Variants in ARRB1 observed in about 807,000 individuals in gnomAD.
The protein encoded by ARRB1 is arrestin beta 1.
Under a neutral mutation model 56.8 loss-of-function variants are expected in ARRB1, and 21 were observed. That is an observed-to-expected ratio of 0.37 (90% confidence interval 0.26 to 0.53). The LOEUF (loss-of-function observed/expected upper bound fraction) is 0.53. Ranked by LOEUF, ARRB1 falls within the 20% of genes least tolerant of loss-of-function variation. The probability of loss-of-function intolerance (pLI) is 0.88; values close to 1 mark genes in which losing one functional copy is unlikely to be tolerated. For missense variants in ARRB1, 424 were observed against 553.7 expected, an observed-to-expected ratio of 0.77 and a Z score of 2.35; for synonymous variants, 210 against 218.6, an observed-to-expected ratio of 0.96 and a Z score of 0.35.
At chr11:75,318,917 G>A (rs1409069515) in intron 1 of ARRB1, among the ~76,000 whole-genome samples, 1 of 152,180 alleles carries the variant, frequency 6.6e-6, no homozygotes, top group Non-Finnish European at 1.5e-5. Context: ...CTAAGAAGGA[G>A]AGGAGCACAT....
At chr11:75,334,057 C>T (rs1947563249) in intron 1 of ARRB1, among the ~76,000 whole-genome samples, 3 of 152,172 alleles carry the variant, frequency 2.0e-5, no homozygotes, top group Admixed American at 2.0e-4. Context: ...CCAGGCCGGG[C>T]GCGGTGGCTC....
intron 13 of ARRB1, among the ~76,000 whole-genome samples, chr11:75,269,384 C>T (rs900304120): frequency 1.3e-5 from 2 of 152,158 alleles, no homozygotes; most frequent in African/African-American, 4.8e-5. Flanking sequence ...TCCTCCCACC[C>T]TCACGCCATC....
At chr11:75,339,846 G>A (rs1259599389) in intron 1 of ARRB1, among the ~76,000 whole-genome samples, 1 of 152,216 alleles carries the variant, frequency 6.6e-6, no homozygotes, top group Non-Finnish European at 1.5e-5. Flanking sequence ...CTCCTCAGGA[G>A]GGCAGCGATG....
In ARRB1 at chr11:75,272,796, T is replaced by C. The variant is rs1565105652; in HGVS notation, c.998+99A>G. On this transcript the variant is annotated intron_variant, in intron 12 of 15. Transcript: ENST00000420843. Reference sequence around the variant, plus strand: ...GTTCCTCCTCCAAGGTGGATGCAGCTAAAAGGGCTGCAAACAGGCAGAATG... The same window carrying C: ...GTTCCTCCTCCAAGGTGGATGCAGCCAAAAGGGCTGCAAACAGGCAGAATG... The C allele has an allele frequency of 3.4e-6, 4 of 1,192,842 alleles. No individual in the cohort carries two copies. In the African/African-American group the frequency reaches 4.5e-5, roughly 13 times the overall value. The allele number at this position is 1,192,842 out of a possible 1,614,324, so 73.9% of individuals were successfully genotyped here. A position where few individuals can be genotyped will look rare whatever the true frequency, so the allele number is the denominator to read the frequency against.
chr11:75,306,046 C>T (rs1287159048), intron 1 of ARRB1, among the ~76,000 whole-genome samples: 1 of 152,174 alleles, frequency 6.6e-6, no homozygotes, highest in Non-Finnish European at 1.5e-5. Flanking sequence ...CCCGACACCA[C>T]ACTGCAAAGG....
In ARRB1 at chr11:75,283,345, C is replaced by T. The variant is rs767213596; in HGVS notation, c.296G>A (p.Arg99Gln). Reference protein sequence around the residue: ...PAPEDKKPLTRLQERLIKKLG... With the variant: ...PAPEDKKPLTQLQERLIKKLG... ...CTTCTTGATGAGGCGTTCCTGCAGC[C>T]GCGTCAGGGGCTTCTTGTCCTCGGG... The change falls in exon 5 of 16, where the codon CGG becomes CAG. Residue 99 changes from arginine to glutamine, a missense_variant. Around this residue, in one of 3 missense-constraint regions of ARRB1, gnomAD observed 301 missense variants for 387.9 expected, o/e 0.78. Transcript: ENST00000420843. 32 of 1,613,888 alleles carry T rather than the reference C, an allele frequency of 2.0e-5. No homozygotes were observed. The highest frequency in any genetic ancestry group is 3.3e-5 in the Admixed American group (2 of 59,988).
chr11:75,270,999 G>A (rs1041492885), intron 13 of ARRB1: 1 of 151,868 alleles, frequency 6.6e-6, no homozygotes, highest in Non-Finnish European at 1.5e-5. Context: ...TTTAGTGGAA[G>A]AATCTGGATC....
chr11:75,280,998 T>A (rs1946320763), intron 7 of ARRB1, 77 bp downstream of exon 7: 1 of 1,483,588 alleles, frequency 6.7e-7, no homozygotes. Context: ...TATTGTTACT[T>A]ATCTCCTCTT....
At chr11:75,295,676 C>T (rs1946724657) in intron 1 of ARRB1, among the ~76,000 whole-genome samples, 1 of 152,206 alleles carries the variant, frequency 6.6e-6, no homozygotes, top group Admixed American at 6.5e-5. Context: ...ATGATGTAGA[C>T]ATCTTTGGGA....
intron 1 of ARRB1, chr11:75,335,159 C>A: frequency 4.0e-6 from 1 of 251,184 alleles, no homozygotes; most frequent in South Asian, 4.4e-5. Flanking sequence ...TCACAAAGGC[C>A]CTGCCTCCAG....
At chr11:75,290,566 C>T (rs1032901063) in intron 1 of ARRB1, among the ~76,000 whole-genome samples, 3 of 151,760 alleles carry the variant, frequency 2.0e-5, no homozygotes, top group South Asian at 4.2e-4. Flanking sequence ...TCTACTTCTT[C>T]TTTTTCCATA....
intron 1 of ARRB1, among the ~76,000 whole-genome samples, chr11:75,327,258 C>T (rs1257662978): frequency 7.1e-6 from 1 of 140,680 alleles, no homozygotes; most frequent in East Asian, 2.2e-4. Flanking sequence ...GCCGAGATGG[C>T]GCCACTGCAC....
chr11:75,308,044 C>T, intron 1 of ARRB1, among the ~76,000 whole-genome samples: 1 of 152,264 alleles, frequency 6.6e-6, no homozygotes. Flanking sequence ...GCATCAGGGA[C>T]AGGGGATAGC....
At position 75,318,568 on chromosome 11, in the gene ARRB1, T is replaced by G. The variant is rs57556491; in HGVS notation, c.21-28529A>C. 3.7e-3 allele frequency among the ~76,000 whole-genome samples: 558 copies of G among 152,296 alleles called. 4 individuals are homozygous for G. The highest frequency in any genetic ancestry group is 0.013 in the African/African-American group (521 of 41,564). The stretch of plus-strand genomic sequence containing the variant: ...AGCTGGGCATGGTGGCATGCACCTT[T>G]AATCCCAGCTACTCAGGAGGCTGAG... On this transcript the variant is annotated intron_variant, in intron 1 of 15. Transcript: ENST00000420843.
At chr11:75,277,110 T>A (rs753059360) in intron 9 of ARRB1, among the ~76,000 whole-genome samples, 199 bp from the exon 10 acceptor site, 6 of 151,740 alleles carry the variant, frequency 4.0e-5, no homozygotes, top group Non-Finnish European at 8.9e-5. Flanking sequence ...AACCAAAGCC[T>A]TCCCCTCAAG....
chr11:75,311,238 G>GGGCA (rs1947149917), intron 1 of ARRB1, among the ~76,000 whole-genome samples: 1 of 152,150 alleles, frequency 6.6e-6, no homozygotes, highest in Non-Finnish European at 1.5e-5. Context: ...TGGGAAGCTG[G>GGGCA]GGCAGGAGAA....
intron 1 of ARRB1, among the ~76,000 whole-genome samples, chr11:75,346,004 G>C (rs576267579): frequency 1.3e-5 from 2 of 152,204 alleles, no homozygotes; most frequent in Admixed American, 6.5e-5. Context: ...AGCTCACTCA[G>C]CCTGAGGTAT....
At chr11:75,273,440 C>T (rs1369040476) in intron 11 of ARRB1, among the ~76,000 whole-genome samples, 1 of 152,134 alleles carries the variant, frequency 6.6e-6, no homozygotes, top group Admixed American at 6.5e-5. Context: ...GGGTGTGAGC[C>T]AGGGTGGAGA....
intron 1 of ARRB1, among the ~76,000 whole-genome samples, chr11:75,337,114 A>G (rs1405913845): frequency 1.3e-5 from 2 of 152,224 alleles, no homozygotes; most frequent in Non-Finnish European, 2.9e-5. Context: ...CCAGGCTAGG[A>G]GATTCCATCC....
Sources: gnomAD v4.1 joint callset for allele counts (sites outside exome capture counted in the v4.1 genomes callset) on GRCh38, gnomAD v4.1.1 for gene constraint, gnomAD v4.1.1 regional missense constraint, MANE v1.5 for transcripts, NCBI Gene and HGNC (gene_info 2026-07-23, HGNC 2026-07-21) for gene names.